Variants in SNPH observed in about 807,000 individuals in gnomAD.
SNPH encodes the protein syntaphilin.
In SNPH, 10 loss-of-function variants were observed where a neutral mutation model predicts 36.8. The ratio of observed to expected loss-of-function variants is 0.27; its 90% CI spans 0.17 to 0.46. The LOEUF (loss-of-function observed/expected upper bound fraction) is 0.46, where lower values mean the gene tolerates loss of function less well. SNPH is among the 20% of genes least tolerant of loss of function. The pLI, the probability that SNPH is intolerant of heterozygous loss-of-function variation, is 1.00. For synonymous variants in SNPH, 281 were observed against 312.2 expected (o/e 0.90, Z 1.05); for missense variants, 622 against 744.0 (o/e 0.84, Z 1.91).
chr20:1,266,633 C>T lies in SNPH; in HGVS notation c.-599-21C>T. On this transcript the variant is annotated intron_variant, in intron 1 of 6. Transcript: ENST00000381867. The surrounding 1 kb of genome is among the most constrained non-coding windows in gnomAD (Gnocchi z 6.0). The stretch of plus-strand genomic sequence containing the variant: ...CCCGCGCTCACCCGCCCCGGTCTAT[C>T]TCTTTTTCCTAACCCCGCAGGTCGC... The T allele has an allele frequency of 6.7e-7, 1 of 1,485,150 alleles. No individual in the cohort carries two copies. 92.0% of individuals were successfully genotyped at this position (1,485,150 alleles called of 1,614,324 possible).
chr20:1,281,555 T>C (rs1240819138), intron 2 of SNPH, among the ~76,000 whole-genome samples: 1 of 152,160 alleles, frequency 6.6e-6, no homozygotes, highest in Admixed American at 6.5e-5. Context: ...CCCCTGTAGC[T>C]CTCTTACTCT....
chr20:1,293,201 C>T (rs1373249515), intron 2 of SNPH, among the ~76,000 whole-genome samples: 1 of 152,184 alleles, frequency 6.6e-6, no homozygotes, highest in Non-Finnish European at 1.5e-5. Context: ...TTGACTTCTG[C>T]AGTCATTAGT....
chr20:1,276,037 T>C lies in SNPH; in HGVS notation c.-493+9277T>C, dbSNP rs1469797942. On this transcript the variant is annotated intron_variant, in intron 2 of 6. Transcript: ENST00000381867. The surrounding 1 kb of genome is among the most constrained non-coding windows in gnomAD (Gnocchi z 4.6). ...CAGCTCCTTCACAGAGCCCAGGCTC[T>C]TAGTCACCAGCCTAAGCTCTGTGCT... Among the ~76,000 whole-genome samples the C allele has an allele frequency of 6.6e-6, 1 of 152,220 alleles. No homozygotes were observed. The highest frequency in any genetic ancestry group is 2.4e-5 in the African/African-American group (1 of 41,462).
At chr20:1,293,900 C>A (rs1334015179) in intron 2 of SNPH, among the ~76,000 whole-genome samples, 1 of 152,182 alleles carries the variant, frequency 6.6e-6, no homozygotes, top group Admixed American at 6.5e-5. Context: ...CACGCAGCTC[C>A]AAGACAAACC....
chr20:1,277,890 T>G (rs1345659249), intron 2 of SNPH, among the ~76,000 whole-genome samples: 2 of 149,880 alleles, frequency 1.3e-5, no homozygotes, highest in Non-Finnish European at 3.0e-5. Flanking sequence ...TGCCGATGTG[T>G]CTGTGTATGT....
chr20:1,266,865 G>A lies in SNPH; in HGVS notation c.-493+105G>A. ...CGGTAGAATCCCTTGGAGGGCACCAGCCTAAGAGGGGTTAATCGTGACTCA... is the reference window on the plus strand; with the variant it reads ...CGGTAGAATCCCTTGGAGGGCACCAACCTAAGAGGGGTTAATCGTGACTCA... On this transcript the variant is annotated intron_variant, in intron 2 of 6. Coordinates refer to ENST00000381867, the MANE Select transcript of SNPH (RefSeq NM_001318234.2). The surrounding 1 kb of genome is among the most constrained non-coding windows in gnomAD (Gnocchi z 6.0). 1 of 1,267,004 alleles carries A rather than the reference G, an allele frequency of 7.9e-7. No individual in the cohort carries two copies. 78.5% of individuals were successfully genotyped at this position (1,267,004 alleles called of 1,614,324 possible).
chr20:1,289,813 G>C (rs112693649), intron 2 of SNPH, among the ~76,000 whole-genome samples: 1 of 152,018 alleles, frequency 6.6e-6, no homozygotes, highest in African/African-American at 2.4e-5. Flanking sequence ...CTAGGTGACA[G>C]AGTAAGACCC....
intron 6 of SNPH, 31 bp downstream of exon 6, chr20:1,300,742 G>C: frequency 6.3e-7 from 1 of 1,588,290 alleles, no homozygotes; most frequent in Non-Finnish European, 8.6e-7. Context: ...AGCCCTGGGG[G>C]TACCCCACCA....
At chr20:1,273,817 G>GC (rs2088099723) in intron 2 of SNPH, among the ~76,000 whole-genome samples, 1 of 152,128 alleles carries the variant, frequency 6.6e-6, no homozygotes, top group Admixed American at 6.5e-5. Context: ...ACCAATCCGG[G>GC]CCCACTTAGC....
chr20:1,268,840 T>C (rs2088039527), intron 2 of SNPH, among the ~76,000 whole-genome samples: 2 of 152,196 alleles, frequency 1.3e-5, no homozygotes, highest in South Asian at 2.1e-4. Context: ...TCCAGGTTGT[T>C]GGTTGTCATT....
chr20:1,274,993 T>A lies in SNPH; in HGVS notation c.-493+8233T>A, dbSNP rs373468577. On this transcript the variant is annotated intron_variant, in intron 2 of 6. Transcript: ENST00000381867. ...CGTGCAGCCCCAGAGGGAGAAGGGG[T>A]GCGCTAAACATCACCTCTTCTGTGA... 6.6e-5 allele frequency among the ~76,000 whole-genome samples: 10 copies of A among 152,092 alleles called. No homozygotes were observed. In the East Asian group the frequency reaches 1.2e-3, roughly 18 times the overall value.
At chr20:1,271,991 A>T (rs1337495645) in intron 2 of SNPH, among the ~76,000 whole-genome samples, 2 of 152,190 alleles carry the variant, frequency 1.3e-5, no homozygotes, top group African/African-American at 4.8e-5. Flanking sequence ...GGACATTCAG[A>T]TGACACTTAG....
chr20:1,298,392 G>A (rs559922481), intron 5 of SNPH, among the ~76,000 whole-genome samples: 22 of 152,294 alleles, frequency 1.4e-4, no homozygotes, highest in Admixed American at 1.0e-3. Context: ...TGTGTGAAGC[G>A]ATGTCCAGAG....
intron 2 of SNPH, among the ~76,000 whole-genome samples, chr20:1,275,528 T>C (rs899296337): frequency 6.6e-6 from 1 of 152,184 alleles, no homozygotes; most frequent in Non-Finnish European, 1.5e-5. Flanking sequence ...AGCTGAGTTA[T>C]AGGAAATTTA....
chr20:1,276,477 C>A lies in SNPH; in HGVS notation c.-493+9717C>A, dbSNP rs115802108. Among the ~76,000 whole-genome samples, 5,843 of 152,188 alleles carry A rather than the reference C, an allele frequency of 0.038. 366 individuals carry two copies. Among genetic ancestry groups the A allele is most frequent in the African/African-American group, 0.13 (5,516 of 41,498 alleles). ...GCCGTGGACTGACTTTGTGACTGGG[C>A]AAGTCACTTAATTTATCTGACCCTT... On this transcript the variant is annotated intron_variant, in intron 2 of 6. Transcript: ENST00000381867. The surrounding 1 kb of genome is among the most constrained non-coding windows in gnomAD (Gnocchi z 4.6).
chr20:1,290,887 C>T (rs2088353076), intron 2 of SNPH, among the ~76,000 whole-genome samples: 1 of 152,226 alleles, frequency 6.6e-6, no homozygotes, highest in African/African-American at 2.4e-5. Context: ...GCTAGCCATC[C>T]TAGTGAATGT....
At chr20:1,283,490 C>T (rs1176831973) in intron 2 of SNPH, among the ~76,000 whole-genome samples, 1 of 152,232 alleles carries the variant, frequency 6.6e-6, no homozygotes, top group Non-Finnish European at 1.5e-5. Context: ...GGAGCAACTT[C>T]TCAGTCTCAG....
chr20:1,267,655 A>C (rs1341235565), intron 2 of SNPH, among the ~76,000 whole-genome samples: 1 of 152,230 alleles, frequency 6.6e-6, no homozygotes, highest in Non-Finnish European at 1.5e-5. Flanking sequence ...ATTTTAGTAT[A>C]TCACTCAAGC....
At position 1,276,247 on chromosome 20, in the gene SNPH, C is replaced by T. The variant is rs551180391; in HGVS notation, c.-493+9487C>T. On this transcript the variant is annotated intron_variant, in intron 2 of 6. Transcript: ENST00000381867. This position sits in a 1 kb window ranked among gnomAD's most constrained non-coding sequence, Gnocchi z 4.6. ...GGAGGGGGGCTCCTCACTCTGGGGC[C>T]GTGTGTTTGAGAGAGAAGCCCTCAG... Among the ~76,000 whole-genome samples the T allele has an allele frequency of 1.4e-4, 22 of 152,168 alleles. No individual in the cohort carries two copies. The East Asian group carries it at 3.7e-3, about 25-fold the overall frequency.
Sources: allele counts gnomAD v4.1 joint callset (sites outside exome capture counted in the v4.1 genomes callset), GRCh38; gene constraint gnomAD v4.1.1; non-coding constraint Gnocchi (gnomAD v3.1); transcripts MANE v1.5; gene names NCBI Gene and HGNC (gene_info 2026-07-23, HGNC 2026-07-21).